CAMSAP1: variants seen among roughly 807,000 people sequenced by gnomAD.
CAMSAP1 encodes calmodulin regulated spectrin associated protein 1, also known as calmodulin-regulated spectrin-associated protein 1.
In CAMSAP1, 58 loss-of-function variants were observed where a neutral mutation model predicts 143.5. That is an observed-to-expected ratio of 0.40 (90% CI 0.33 to 0.50). CAMSAP1 has a LOEUF of 0.50. CAMSAP1 is among the 20% of genes least tolerant of loss of function. CAMSAP1 has a pLI of 0.45. For missense variants in CAMSAP1, 1,969 were observed against 2,115.7 expected, an observed-to-expected ratio of 0.93 and a Z score of 1.36; for synonymous variants, 945 against 859.3, an observed-to-expected ratio of 1.10 and a Z score of -1.74.
rs745810794 is a variant in CAMSAP1 at position 135,821,931 on chromosome 9, G to A, written c.2730C>T (p.Leu910=). 7.4e-6 allele frequency: 12 copies of A among 1,613,108 alleles called. No individual in the cohort carries two copies. The highest frequency in any genetic ancestry group is 2.7e-5 in the African/African-American group (2 of 74,926). The change falls in exon 11 of 17, where the codon CTC becomes CTT. Residue 910 remains leucine (L), a synonymous_variant. Transcript: ENST00000389532. The surrounding 1 kb of genome is among the most constrained non-coding windows in gnomAD (Gnocchi z 4.6). ...EALSARQRLK[L]GKAAFLHVVK... The stretch of plus-strand genomic sequence containing the variant: ...CCACATGCAGGAATGCAGCCTTGCC[G>A]AGCTTCAGGCGCTGCCTTGCCGACA...
Position 135,818,903 on chromosome 9 carries a change from G to A in CAMSAP1, c.3959+107C>T, listed in dbSNP as rs1835338571. ...CCATGGGAGGAGTAAGACCGTCACA[G>A]GCACTCATTGCCATGGTCCATGCTC... On this transcript the variant is annotated intron_variant, in intron 12 of 16. Coordinates refer to ENST00000389532, the MANE Select transcript of CAMSAP1 (RefSeq NM_015447.4). The surrounding 1 kb of genome is among the most constrained non-coding windows in gnomAD (Gnocchi z 7.7). 4 of 1,485,358 alleles carry A rather than the reference G, an allele frequency of 2.7e-6. No homozygotes were observed. In the South Asian group the frequency reaches 3.7e-5, roughly 14 times the overall value. 92.0% of individuals were successfully genotyped at this position (1,485,358 alleles called of 1,614,324 possible). A position where few individuals can be genotyped will look rare whatever the true frequency, so the allele number is the denominator to read the frequency against.
chr9:135,907,181 G>T lies in CAMSAP1; in HGVS notation c.-22C>A, dbSNP rs569156916. 1.0e-5 allele frequency: 11 copies of T among 1,073,110 alleles called. No homozygotes were observed. The South Asian group carries it at 3.9e-4, about 38-fold the overall frequency. The allele number at this position is 1,073,110 out of a possible 1,614,324, so 66.5% of individuals were successfully genotyped here. The stretch of plus-strand genomic sequence containing the variant: ...CCATCTGCAGACAAAGGGCTGAGGC[G>T]GCGGCCCGGCCGCAACAAAGGCGCC... On this transcript the variant is annotated 5_prime_UTR_variant, in exon 1 of 17. Coordinates refer to ENST00000389532, the MANE Select transcript of CAMSAP1 (RefSeq NM_015447.4).
chr9:135,906,469 A>C (rs181626459), intron 1 of CAMSAP1, among the ~76,000 whole-genome samples: 60 of 152,368 alleles, frequency 3.9e-4, no homozygotes, highest in African/African-American at 1.4e-3. Context: ...TAGTTCTTCC[A>C]AACAGGAATT....
Position 135,821,034 on chromosome 9 carries a change from C to T in CAMSAP1, c.3627G>A (p.Gly1209=), listed in dbSNP as rs200183409. ...TTCCCGAGACATCTGAGGAGCTGGA[C>T]CCCACCTCCTTCACACTCGCATCCA... ...EVLDASVKEV[G]SSSSDVSGKE... Residue 1209 remains glycine, a synonymous_variant, in exon 11 of 17, where the codon GGG becomes GGA. Coordinates refer to ENST00000389532, the MANE Select transcript of CAMSAP1 (RefSeq NM_015447.4). The surrounding 1 kb of genome is among the most constrained non-coding windows in gnomAD (Gnocchi z 4.6). 140 of 1,613,802 alleles carry T rather than the reference C, an allele frequency of 8.7e-5. 1 individual carries two copies. The highest frequency in any genetic ancestry group is 1.1e-4 in the Non-Finnish European group (129 of 1,179,780).
Position 135,822,487 on chromosome 9 carries a change from G to T in CAMSAP1, c.2174C>A (p.Ser725Tyr), listed in dbSNP as rs868268203. 6.2e-7 allele frequency: 1 copy of T among 1,613,796 alleles called. No homozygotes were observed. Among genetic ancestry groups the T allele is most frequent in the South Asian group, 1.1e-5 (1 of 91,086 alleles). Residue 725 changes from serine to tyrosine, a missense_variant, in exon 11 of 17, where the codon TCC (serine) becomes TAC (tyrosine). By Grantham distance (144) the Ser-to-Tyr change is moderately radical. Transcript: ENST00000389532. The surrounding 1 kb of genome is among the most constrained non-coding windows in gnomAD (Gnocchi z 6.1). ...LYVSCSKSPN[S>Y]HDSEPWTLLR... ...GAGAGTCCACGGCTCTGAATCGTGG[G>T]AGTTGGGGCTTTTTGAACAACTAAC...
At chr9:135,853,948 T>C (rs573646054) in intron 5 of CAMSAP1, among the ~76,000 whole-genome samples, 2 of 152,386 alleles carry the variant, frequency 1.3e-5, no homozygotes, top group Admixed American at 6.5e-5. Context: ...GAGATGACTG[T>C]AGAGAATCTG....
rs553988469 is a variant in CAMSAP1, at chr9:135,874,488, G to C, written c.585+7145C>G. ...ACCCTGTCTCAAAAAAGGGGGGGGG[G>C]GGCCACAGGGGCCGGGAACTCCTAA... On this transcript the variant is annotated intron_variant, in intron 3 of 16. Transcript: ENST00000389532. Among the ~76,000 whole-genome samples, 408 of 147,272 alleles carry C rather than the reference G, an allele frequency of 2.8e-3. 22 individuals are homozygous for C. The highest frequency in any genetic ancestry group is 4.7e-3 in the Non-Finnish European group (310 of 66,636).
chr9:135,851,125 C>G (rs1248419927), intron 5 of CAMSAP1, among the ~76,000 whole-genome samples: 1 of 152,290 alleles, frequency 6.6e-6, no homozygotes, highest in East Asian at 1.9e-4. Flanking sequence ...GTCTAGGCAC[C>G]CTGGTGTGGA....
At chr9:135,859,338 T>C (rs1242866640) in intron 5 of CAMSAP1, among the ~76,000 whole-genome samples, 1 of 152,236 alleles carries the variant, frequency 6.6e-6, no homozygotes, top group African/African-American at 2.4e-5. Context: ...TCAATCAGTT[T>C]CTGTTACATA....
At chr9:135,868,097 G>A (rs1359204206) in intron 3 of CAMSAP1, among the ~76,000 whole-genome samples, 1 of 151,630 alleles carries the variant, frequency 6.6e-6, no homozygotes, top group Non-Finnish European at 1.5e-5. Context: ...CCGTATATTT[G>A]GAAAATGAAA....
chr9:135,870,904 G>A (rs1434463704), intron 3 of CAMSAP1, among the ~76,000 whole-genome samples: 1 of 152,206 alleles, frequency 6.6e-6, no homozygotes, highest in African/African-American at 2.4e-5. Flanking sequence ...AACATTAATT[G>A]ATGATAGTTT....
rs1835617170 is a variant in CAMSAP1 at position 135,824,850 on chromosome 9, G to T, written c.1254C>A (p.Ser418=). Residue 418 remains serine, a synonymous_variant, in exon 9 of 17, where the codon TCC becomes TCA. Coordinates refer to ENST00000389532, the MANE Select transcript of CAMSAP1 (RefSeq NM_015447.4). The surrounding 1 kb of genome is among the most constrained non-coding windows in gnomAD (Gnocchi z 4.1). ...LGKGTAAFSP[S]HPLLPLRQKQ... is the part of the protein sequence containing the mutation. ...TCTGTCTCAGTGGCAATAAAGGATG[G>T]GATGGGCTGAAGGCAGCAGTTCCTT... The T allele has an allele frequency of 6.2e-7, 1 of 1,603,026 alleles. No homozygotes were observed. Among genetic ancestry groups the T allele is most frequent in the Non-Finnish European group, 8.5e-7 (1 of 1,174,782 alleles).
At chr9:135,875,870 G>A (rs1837729435) in intron 3 of CAMSAP1, among the ~76,000 whole-genome samples, 1 of 152,304 alleles carries the variant, frequency 6.6e-6, no homozygotes, top group Middle Eastern at 3.4e-3. Context: ...CACAACCTTG[G>A]AGTAAGTAAA....
rs1200259324 is a variant in CAMSAP1 at position 135,874,801 on chromosome 9, ATAAGTT to A, written c.585+6826_585+6831del. ...AATTTTCTCAATGCCACTAGAATAA[ATAAGTT>A]TAGCAAGGTCACAAAATATAAAGTT... On this transcript the variant is annotated intron_variant, in intron 3 of 16. Transcript: ENST00000389532. Among the ~76,000 whole-genome samples, 5 of 152,372 alleles carry A rather than the reference ATAAGTT, an allele frequency of 3.3e-5. No individual in the cohort carries two copies. The East Asian group carries it at 9.6e-4, about 29-fold the overall frequency.
chr9:135,855,749 A>G (rs1245288744), intron 5 of CAMSAP1, among the ~76,000 whole-genome samples: 2 of 108,328 alleles, frequency 1.8e-5, no homozygotes, highest in Admixed American at 1.8e-4. Flanking sequence ...ATCTCAATTT[A>G]AAAAAAAAAA....
intron 15 of CAMSAP1, 66 bp downstream of exon 15, chr9:135,815,824 G>C: frequency 7.8e-7 from 1 of 1,286,762 alleles, no homozygotes; most frequent in Admixed American, 2.0e-5. Flanking sequence ...AACAGATATT[G>C]AAAGAGCCAC....
chr9:135,831,193 GGAT>G (rs1269935646), intron 7 of CAMSAP1, among the ~76,000 whole-genome samples: 1 of 152,102 alleles, frequency 6.6e-6, no homozygotes, highest in African/African-American at 2.4e-5. Context: ...CAAGAAAACA[GGAT>G]GATTGACAAA....
chr9:135,889,836 A>T (rs951567653), intron 1 of CAMSAP1, among the ~76,000 whole-genome samples: 7 of 152,012 alleles, frequency 4.6e-5, no homozygotes, highest in Non-Finnish European at 8.8e-5. Context: ...ACCCTCATTC[A>T]CACCTCAGAA....
intron 1 of CAMSAP1, 41 bp downstream of exon 1, chr9:135,906,959 C>G (rs1209407681): frequency 3.0e-6 from 3 of 1,010,426 alleles, no homozygotes; most frequent in African/African-American, 1.7e-5. Flanking sequence ...GGCCCCGGCC[C>G]GCGCCCCTGG....
Sources: gnomAD v4.1 joint callset for allele counts (sites outside exome capture counted in the v4.1 genomes callset) on GRCh38, gnomAD v4.1.1 for gene constraint, Gnocchi (gnomAD v3.1) non-coding constraint, MANE v1.5 for transcripts, NCBI Gene and HGNC (gene_info 2026-07-23, HGNC 2026-07-21) for gene names.